ADCY9: variants seen among roughly 807,000 people sequenced by gnomAD.
ADCY9 encodes the protein adenylate cyclase type 9.
Under a neutral mutation model 101.5 loss-of-function variants are expected in ADCY9, and 50 were observed. That is an observed-to-expected ratio of 0.49 (90% CI 0.39 to 0.62). The LOEUF is 0.62. Ranked by LOEUF, ADCY9 falls within the 20% of genes least tolerant of loss-of-function variation. The pLI, the probability that ADCY9 is intolerant of heterozygous loss-of-function variation, is 0.00. For missense variants in ADCY9, 1,662 were observed against 1,800.4 expected (o/e 0.92, Z 1.39); for synonymous variants, 905 against 769.3 (o/e 1.18, Z -2.92).
At chr16:4,001,739 GTTTTTTTTTTTTATTGT>G (rs757259941) in intron 3 of ADCY9, among the ~76,000 whole-genome samples, 13 of 140,284 alleles carry the variant, frequency 9.3e-5, no homozygotes, top group African/African-American at 3.0e-4. Context: ...TGTAGAGATG[GTTTTTTTTTTTTATTGT>G]TTTTTTTTTT....
chr16:4,004,897 A>C (rs954550674), intron 3 of ADCY9, among the ~76,000 whole-genome samples: 1 of 152,188 alleles, frequency 6.6e-6, no homozygotes, highest in Non-Finnish European at 1.5e-5. Context: ...AGCAGCAGGA[A>C]CAGGACACAC....
chr16:4,073,581 A>G (rs968773027), intron 2 of ADCY9, among the ~76,000 whole-genome samples: 1 of 152,116 alleles, frequency 6.6e-6, no homozygotes, highest in Non-Finnish European at 1.5e-5. Flanking sequence ...TTTTTAGTAG[A>G]GACAGGGTTT....
chr16:3,965,906 G>A lies in ADCY9; in HGVS notation c.3931C>T (p.Pro1311Ser). 2 of 1,614,178 alleles carry A rather than the reference G, an allele frequency of 1.2e-6. No homozygotes were observed. Among genetic ancestry groups the A allele is most frequent in the Non-Finnish European group, 1.7e-6 (2 of 1,180,044 alleles). Reference sequence around the variant, plus strand: ...TCGGCTTTGACGGGCTCCTTCCACGGTCTCTTGGGGGACAGGTGGGCATCC... The same window carrying A: ...TCGGCTTTGACGGGCTCCTTCCACGATCTCTTGGGGGACAGGTGGGCATCC... ...AKDAHLSPKRPWKEPVKAEER... is the reference protein window; with the variant it reads ...AKDAHLSPKRSWKEPVKAEER... Residue 1311 changes from proline (P) to serine (S), a missense_variant, in exon 11 of 11, where the codon CCG (proline) becomes TCG (serine). Pro to Ser is a moderately conservative substitution (Grantham distance 74). This residue lies in a region of ADCY9 where 168 missense variants were observed against 155.3 expected (regional missense o/e 1.08). Coordinates refer to ENST00000294016, the MANE Select transcript of ADCY9 (RefSeq NM_001116.4).
chr16:3,955,665 C>G (rs1223613968), intron 5 of ADCY9, among the ~76,000 whole-genome samples: 1 of 151,990 alleles, frequency 6.6e-6, no homozygotes, highest in Non-Finnish European at 1.5e-5. Context: ...TTTCCTGTCT[C>G]AGCCTCCAGA....
chr16:4,074,716 C>CAAAAAAAAAAAAA (rs55742993), intron 2 of ADCY9, among the ~76,000 whole-genome samples: 1 of 100,428 alleles, frequency 1.0e-5, no homozygotes, highest in Non-Finnish European at 2.0e-5. Context: ...TACCCAGTGG[C>CAAAAAAAAAAAAA]AAAAAAAAAA....
intron 2 of ADCY9, among the ~76,000 whole-genome samples, chr16:4,086,113 G>C (rs1268075839): frequency 2.6e-5 from 4 of 152,004 alleles, no homozygotes; most frequent in African/African-American, 9.7e-5. Flanking sequence ...GATGCTGCTT[G>C]GGGGTGGGGA....
At chr16:3,983,197 C>G (rs1025613098) in intron 7 of ADCY9, 35 bp downstream of exon 7, 1 of 1,529,896 alleles carries the variant, frequency 6.5e-7, no homozygotes, top group Admixed American at 2.0e-5. Context: ...GAGCTAACGG[C>G]TCAGAGCTGG....
intron 10 of ADCY9, among the ~76,000 whole-genome samples, chr16:3,970,322 C>T (rs554685430): frequency 6.6e-5 from 10 of 151,704 alleles, no homozygotes; most frequent in Non-Finnish European, 1.0e-4. Flanking sequence ...TGAGCCACCA[C>T]GCCTGGCCAA....
At chr16:4,099,009 T>C (rs942653995) in intron 2 of ADCY9, among the ~76,000 whole-genome samples, 2 of 152,078 alleles carry the variant, frequency 1.3e-5, no homozygotes, top group African/African-American at 4.8e-5. Flanking sequence ...CTCAGCTCAC[T>C]GCAACCTCTG....
chr16:4,084,899 A>G (rs568415565), intron 2 of ADCY9, among the ~76,000 whole-genome samples: 4 of 152,170 alleles, frequency 2.6e-5, no homozygotes, highest in South Asian at 2.1e-4. Context: ...CATTTATGAT[A>G]CTCATATCAA....
At chr16:4,057,050 C>A (rs61042195) in intron 2 of ADCY9, among the ~76,000 whole-genome samples, 12 of 135,024 alleles carry the variant, frequency 8.9e-5, no homozygotes, top group African/African-American at 2.4e-4. Context: ...CCCCCCCCCC[C>A]CCGCCAATCT....
At chr16:4,098,481 G>A (rs567651002) in intron 2 of ADCY9, among the ~76,000 whole-genome samples, 8 of 152,134 alleles carry the variant, frequency 5.3e-5, no homozygotes, top group African/African-American at 9.6e-5. Context: ...TGATCCGCCC[G>A]CCTCGGCCTT....
In ADCY9 at chr16:4,115,803, C is replaced by T. The variant is rs1391251142; in HGVS notation, c.-157G>A. The T allele has an allele frequency of 3.2e-5, 13 of 400,842 alleles. No homozygotes were observed. The Admixed American group carries it at 5.2e-4, about 16-fold the overall frequency. 24.8% of individuals were successfully genotyped at this position (400,842 alleles called of 1,614,324 possible). On this transcript the variant is annotated 5_prime_UTR_variant, in exon 1 of 11. Coordinates refer to ENST00000294016, the MANE Select transcript of ADCY9 (RefSeq NM_001116.4). The surrounding 1 kb of genome is among the most constrained non-coding windows in gnomAD (Gnocchi z 6.2). ...TGGCCTCCGCGCCGCGCGGCTTCTC[C>T]TCCTCGCGCGCTCGCCTCCTCCAGC...
chr16:3,958,579 T>G (rs1453741413), downstream of ADCY9, among the ~76,000 whole-genome samples: 1 of 148,564 alleles, frequency 6.7e-6, no homozygotes, highest in African/African-American at 2.5e-5. Flanking sequence ...CAAAAAAAGA[T>G]GATCTTATGG....
At chr16:4,089,323 TG>T (rs778416159) in intron 2 of ADCY9, among the ~76,000 whole-genome samples, 2 of 152,044 alleles carry the variant, frequency 1.3e-5, no homozygotes, top group African/African-American at 2.4e-5. Flanking sequence ...GTGGCCTTTG[TG>T]GTCTGGCTTT....
chr16:4,041,746 A>AT (rs1042775207), intron 2 of ADCY9, among the ~76,000 whole-genome samples: 17 of 146,898 alleles, frequency 1.2e-4, no homozygotes, highest in East Asian at 3.9e-4. Flanking sequence ...TATTTATCTG[A>AT]TTTTTTTTGT....
intron 7 of ADCY9, among the ~76,000 whole-genome samples, chr16:3,981,272 C>T (rs533506091): frequency 6.6e-6 from 1 of 152,334 alleles, no homozygotes; most frequent in African/African-American, 2.4e-5. Context: ...CGGGGTTGCC[C>T]TCAATGCTTT....
intron 2 of ADCY9, among the ~76,000 whole-genome samples, chr16:4,103,147 G>C (rs978220849): frequency 2.0e-5 from 3 of 152,224 alleles, no homozygotes; most frequent in African/African-American, 7.2e-5. Context: ...TATTTCCACA[G>C]GCAATATGTA....
rs527577274 is a variant in ADCY9 at position 4,075,697 on chromosome 16, C to T, written c.1693+38053G>A. Among the ~76,000 whole-genome samples the T allele has an allele frequency of 4.6e-5, 7 of 152,160 alleles. 1 individual carries two copies. The South Asian group carries it at 1.0e-3, about 23-fold the overall frequency. ...AGACACAACTCCAAAGACCCATTAA[C>T]GCAAAAGGAGGTAAAAAGAGACCTG... On this transcript the variant is annotated intron_variant, in intron 2 of 10. Coordinates refer to ENST00000294016, the MANE Select transcript of ADCY9 (RefSeq NM_001116.4).
Sources: allele counts gnomAD v4.1 joint callset (sites outside exome capture counted in the v4.1 genomes callset), GRCh38; gene constraint gnomAD v4.1.1; regional missense constraint gnomAD v4.1.1; non-coding constraint Gnocchi (gnomAD v3.1); transcripts MANE v1.5; gene names NCBI Gene and HGNC (gene_info 2026-07-23, HGNC 2026-07-21).